CPT1A: variants seen among roughly 807,000 people sequenced by gnomAD.
The protein encoded by CPT1A is carnitine palmitoyltransferase 1A.
A neutral mutation model predicts 100.8 loss-of-function variants in CPT1A; 64 were observed. That is an observed-to-expected ratio of 0.63 (90% CI 0.52 to 0.78). CPT1A has a LOEUF of 0.78. CPT1A is among the 30% of genes least tolerant of loss of function. The pLI, the probability that CPT1A is intolerant of heterozygous loss-of-function variation, is 0.00. For synonymous variants in CPT1A, 363 were observed against 396.0 expected (o/e 0.92, Z 0.99); for missense variants, 802 against 1,034.1 (o/e 0.78, Z 3.08).
chr11:68,827,626 T>C (rs1315233199), intron 1 of CPT1A, among the ~76,000 whole-genome samples: 1 of 151,734 alleles, frequency 6.6e-6, no homozygotes, highest in Non-Finnish European at 1.5e-5. Context: ...AAGCAGTCCT[T>C]CCTCTTTGGC....
At chr11:68,779,538 G>A (rs973107022) in intron 12 of CPT1A, among the ~76,000 whole-genome samples, 2 of 143,798 alleles carry the variant, frequency 1.4e-5, no homozygotes, top group African/African-American at 5.1e-5. Flanking sequence ...GCTCCCATCT[G>A]TAATCCCAGC....
chr11:68,841,947 A>C, upstream of CPT1A: 1 of 984,900 alleles, frequency 1.0e-6, no homozygotes, highest in South Asian at 4.5e-5. This position sits in a 1 kb window ranked among gnomAD's most constrained non-coding sequence, Gnocchi z 6.3. Context: ...CGGCGCCTGC[A>C]GGCGGGTGAC....
rs1855769135 is a variant in CPT1A, at chr11:68,796,923, C to T, written c.704G>A (p.Trp235Ter). 6.2e-7 allele frequency: 1 copy of T among 1,613,814 alleles called. No homozygotes were observed. The highest frequency in any genetic ancestry group is 1.7e-5 in the Admixed American group (1 of 59,978). The stretch of plus-strand genomic sequence containing the variant: ...TCGGAGGTAGATGTACTCCTCCCAC[C>T]AGTCGCTCACCTAGTGGGCGCAAAC... ...SWWATNYVSD[W>*]WEEYIYLRGR... Residue 235 changes from tryptophan (W) to a stop codon, truncating the protein, a stop_gained, in exon 7 of 19, where the codon TGG becomes TAG. Transcript: ENST00000265641. LOFTEE classifies it high-confidence loss of function.
intron 11 of CPT1A, 40 bp downstream of exon 11, chr11:68,781,731 C>T: frequency 6.3e-7 from 1 of 1,592,998 alleles, no homozygotes; most frequent in Non-Finnish European, 8.6e-7. Flanking sequence ...CTTCCAAGCT[C>T]ATGGGCAAAC....
intron 13 of CPT1A, among the ~76,000 whole-genome samples, chr11:68,774,258 G>A (rs1855081638): frequency 6.6e-6 from 1 of 152,038 alleles, no homozygotes; most frequent in Non-Finnish European, 1.5e-5. Flanking sequence ...TTCTGAGAAG[G>A]CAAGAATTGA....
chr11:68,807,722 C>T (rs1295914015), intron 3 of CPT1A, 84 bp from the exon 4 acceptor site: 27 of 1,388,242 alleles, frequency 1.9e-5, no homozygotes, highest in Non-Finnish European at 2.4e-5. Flanking sequence ...ACAGACACCA[C>T]GTGCTGCAGG....
intron 11 of CPT1A, among the ~76,000 whole-genome samples, chr11:68,781,251 C>T (rs1228119399): frequency 1.3e-5 from 2 of 152,144 alleles, no homozygotes; most frequent in Non-Finnish European, 2.9e-5. Flanking sequence ...CAAAGGTGGT[C>T]ATGCACAGAG....
intron 14 of CPT1A, 50 bp from the exon 15 acceptor site, chr11:68,762,811 T>TA: frequency 6.2e-7 from 1 of 1,610,674 alleles, no homozygotes; most frequent in Non-Finnish European, 8.5e-7. Flanking sequence ...CTGATATGTC[T>TA]AAAACGTAAG....
At chr11:68,805,270 C>A (rs574905984) in intron 4 of CPT1A, among the ~76,000 whole-genome samples, 1 of 151,918 alleles carries the variant, frequency 6.6e-6, no homozygotes, top group African/African-American at 2.4e-5. Context: ...GCCAACATGG[C>A]GAAACCCTGT....
intron 14 of CPT1A, among the ~76,000 whole-genome samples, chr11:68,772,130 T>G (rs959808628): frequency 8.5e-5 from 13 of 152,284 alleles, no homozygotes; most frequent in Middle Eastern, 3.4e-3. Flanking sequence ...GGCGGGTGGA[T>G]CACCTGAAGC....
At chr11:68,799,930 T>G (rs1386251437) in intron 5 of CPT1A, among the ~76,000 whole-genome samples, 1 of 152,134 alleles carries the variant, frequency 6.6e-6, no homozygotes, top group Non-Finnish European at 1.5e-5. Context: ...CACCAGAAAA[T>G]CACCATTAAA....
chr11:68,799,477 G>A (rs1218401739), intron 5 of CPT1A, 122 bp from the exon 6 acceptor site: 3 of 1,088,302 alleles, frequency 2.8e-6, no homozygotes, highest in African/African-American at 3.1e-5. Context: ...GGCTGGGCAT[G>A]GTGGCTCATG....
intron 14 of CPT1A, among the ~76,000 whole-genome samples, chr11:68,772,363 G>A (rs1855014147): frequency 6.6e-6 from 1 of 152,136 alleles, no homozygotes; most frequent in East Asian, 1.9e-4. Context: ...CAAAAAAAAA[G>A]TTGGGAATAT....
At chr11:68,807,113 T>C (rs1398113715) in intron 4 of CPT1A, among the ~76,000 whole-genome samples, 4 of 152,144 alleles carry the variant, frequency 2.6e-5, no homozygotes, top group Non-Finnish European at 5.9e-5. Context: ...CGGGAGCCTG[T>C]CTGAGGGGTC....
At chr11:68,768,639 C>T (rs990343271) in intron 14 of CPT1A, among the ~76,000 whole-genome samples, 6 of 152,106 alleles carry the variant, frequency 3.9e-5, no homozygotes, top group African/African-American at 1.4e-4. Context: ...CTCCTGACCT[C>T]AAGTGATCCA....
rs1025838882 is a variant in CPT1A, at chr11:68,794,416, A to AT, written c.879+387dup. Among the ~76,000 whole-genome samples, 133 of 148,618 alleles carry AT rather than the reference A, an allele frequency of 8.9e-4. 1 individual carries two copies. The highest frequency in any genetic ancestry group is 2.7e-3 in the African/African-American group (109 of 40,678). On this transcript the variant is annotated intron_variant, in intron 8 of 18. Coordinates refer to ENST00000265641, the MANE Select transcript of CPT1A (RefSeq NM_001876.4). Reference sequence around the variant, plus strand: ...AGCAAACTCTACACTTTATTTTTTAATTTTTTTTTTTGAGATGGAGTTTTG... The same window carrying AT: ...AGCAAACTCTACACTTTATTTTTTAATTTTTTTTTTTTGAGATGGAGTTTTG...
At chr11:68,796,611 C>G (rs556038212) in intron 7 of CPT1A, among the ~76,000 whole-genome samples, 2 of 152,188 alleles carry the variant, frequency 1.3e-5, no homozygotes, top group South Asian at 4.1e-4. Context: ...TGAGGAATTC[C>G]TGTTTGCCAG....
rs1219593850 is a variant in CPT1A, at chr11:68,816,796, CGTGTGTGTGGTAT to C, written c.-13-1322_-13-1310del. Among the ~76,000 whole-genome samples the C allele has an allele frequency of 1.1e-4, 13 of 121,738 alleles. No individual in the cohort carries two copies. The South Asian group carries it at 2.9e-3, about 27-fold the overall frequency. The allele number at this position is 121,738 out of a possible 152,430, so 79.9% of individuals were successfully genotyped here. On this transcript the variant is annotated intron_variant, in intron 1 of 18. Transcript: ENST00000265641. Reference sequence around the variant, plus strand: ...TGTGTGTGTGGTGTGTGTGTGTATACGTGTGTGTGGTATGTGTGTGTGGTGTGTGTGGTGTATG... The same window carrying C: ...TGTGTGTGTGGTGTGTGTGTGTATACGTGTGTGTGGTGTGTGTGGTGTATG...
At chr11:68,836,195 G>A (rs1857004637) in intron 1 of CPT1A, among the ~76,000 whole-genome samples, 1 of 152,208 alleles carries the variant, frequency 6.6e-6, no homozygotes, top group Non-Finnish European at 1.5e-5. Context: ...AAACCAGGAA[G>A]CCCGGCGTGG....
Sources: allele counts gnomAD v4.1 joint callset (sites outside exome capture counted in the v4.1 genomes callset), GRCh38; gene constraint gnomAD v4.1.1; non-coding constraint Gnocchi (gnomAD v3.1); transcripts MANE v1.5; gene names NCBI Gene and HGNC (gene_info 2026-07-23, HGNC 2026-07-21).